IL3RA: variants seen among roughly 807,000 people sequenced by gnomAD.
IL3RA encodes the protein interleukin 3 receptor subunit alpha, also known as interleukin-3 receptor subunit alpha.
In IL3RA, 73 loss-of-function variants were observed where a neutral mutation model predicts 52.3. The observed-to-expected ratio is 1.40, with a 90% CI of 1.16 to 1.70. The LOEUF (loss-of-function observed/expected upper bound fraction) is 1.70, where lower values mean the gene tolerates loss of function less well. IL3RA is among the 40% of genes most tolerant of loss of function. IL3RA has a pLI of 0.00. For synonymous variants in IL3RA, 260 were observed against 194.0 expected (o/e 1.34, Z -2.83); for missense variants, 664 against 504.4 (o/e 1.32, Z -3.03).
chrX:1,352,729 T>TGGAG (rs2086165416), intron 6 of IL3RA, among the ~76,000 whole-genome samples: 1 of 151,186 alleles, frequency 6.6e-6, no homozygotes, highest in Non-Finnish European at 1.5e-5. Context: ...CTTCACGTGG[T>TGGAG]GTAGAGAGAG....
intron 6 of IL3RA, among the ~76,000 whole-genome samples, chrX:1,354,385 T>G (rs2148998174): frequency 6.6e-6 from 1 of 151,452 alleles, no homozygotes; most frequent in Admixed American, 6.6e-5. Context: ...TGACGTGCCC[T>G]GAACCCAAGG....
chrX:1,359,380 C>T (rs1454570716), intron 8 of IL3RA, among the ~76,000 whole-genome samples: 3 of 152,060 alleles, frequency 2.0e-5, no homozygotes, highest in Admixed American at 6.6e-5. Context: ...AACAGACAGC[C>T]GGACCACAGC....
rs1262626811 is a variant in IL3RA at position 1,356,303 on chromosome X, T to C, written c.699T>C (p.Asn233=). The C allele has an allele frequency of 1.2e-6, 2 of 1,613,254 alleles. No individual in the cohort carries two copies. The highest frequency in any genetic ancestry group is 2.2e-5 in the South Asian group (2 of 91,060). The change falls in exon 7 of 12, where the codon AAT becomes AAC. Residue 233 remains asparagine (N), a synonymous_variant. Coordinates refer to ENST00000331035, the MANE Select transcript of IL3RA (RefSeq NM_002183.4). ...ACTGGAAAATGAGAAGTCATTTCAA[T>C]CGCAAATTTCGCTATGAGCTTCAGA... The part of the protein sequence containing the change: ...FMHWKMRSHF[N]RKFRYELQIQ...
rs775668895 is a variant in IL3RA at position 1,377,561 on chromosome X, G to T, written c.875-1098G>T. Among the ~76,000 whole-genome samples, 7 of 150,162 alleles carry T rather than the reference G, an allele frequency of 4.7e-5. No homozygotes were observed. The East Asian group carries it at 7.7e-4, about 17-fold the overall frequency. Reference sequence around the variant, plus strand: ...CCCGGCCAAATTCCTTTTTTCTGAAGCCACCAAGCTGTGGGACTTTTTTAT... The same window carrying T: ...CCCGGCCAAATTCCTTTTTTCTGAATCCACCAAGCTGTGGGACTTTTTTAT... On this transcript the variant is annotated intron_variant, in intron 9 of 11. Coordinates refer to ENST00000331035, the MANE Select transcript of IL3RA (RefSeq NM_002183.4).
At chrX:1,380,939 C>A in intron 10 of IL3RA, 84 bp from the exon 11 acceptor site, 1 of 1,174,722 alleles carries the variant, frequency 8.5e-7, no homozygotes. Context: ...TGTCCTGGCA[C>A]TGTCTGTCCT....
At chrX:1,346,461 G>A (rs1304673585) in intron 3 of IL3RA, among the ~76,000 whole-genome samples, 1 of 151,202 alleles carries the variant, frequency 6.6e-6, no homozygotes, top group African/African-American at 2.4e-5. Context: ...AGAAAAATTA[G>A]CCGGATGTGG....
At position 1,382,575 on chromosome X, in the gene IL3RA, T is replaced by G; in HGVS notation, c.*110T>G. The G allele has an allele frequency of 1.0e-6, 1 of 991,690 alleles. No homozygotes were observed. Among genetic ancestry groups the G allele is most frequent in the Non-Finnish European group, 1.6e-6 (1 of 618,096 alleles). The allele number at this position is 991,690 out of a possible 1,614,324, so 61.4% of individuals were successfully genotyped here. A position where few individuals can be genotyped will look rare whatever the true frequency, so the allele number is the denominator to read the frequency against. ...CACGCAGCCCAGGAATGGACATTCC[T>G]AACGGGTGGTGGGCATGGGAGATGC... On this transcript the variant is annotated 3_prime_UTR_variant, in exon 12 of 12. Coordinates refer to ENST00000331035, the MANE Select transcript of IL3RA (RefSeq NM_002183.4).
At chrX:1,344,665 C>T (rs1294334421) in intron 2 of IL3RA, among the ~76,000 whole-genome samples, 5 of 150,698 alleles carry the variant, frequency 3.3e-5, no homozygotes, top group African/African-American at 7.3e-5. Flanking sequence ...CCTAGCTACT[C>T]GGGAGGCTGA....
In IL3RA at chrX:1,358,862, G is replaced by A; in HGVS notation, c.734G>A (p.Arg245Lys). ...AGTTTGCTTGCTTTTGTGTTGCAGA[G>A]AATGCAGCCTGTAATCACAGAACAG... ...KFRYELQIQK[R>K]MQPVITEQVR... Residue 245 changes from arginine to lysine, a missense_variant and splice_region_variant, in exon 8 of 12, where the codon AGA becomes AAA. Coordinates refer to ENST00000331035, the MANE Select transcript of IL3RA (RefSeq NM_002183.4). 1 of 1,613,350 alleles carries A rather than the reference G, an allele frequency of 6.2e-7. No homozygotes were observed. The highest frequency in any genetic ancestry group is 8.5e-7 in the Non-Finnish European group (1 of 1,179,658).
At chrX:1,350,513 CGG>C (rs2086035263) in intron 4 of IL3RA, among the ~76,000 whole-genome samples, 1 of 127,874 alleles carries the variant, frequency 7.8e-6, no homozygotes, top group African/African-American at 2.9e-5. Context: ...CACTTGAACC[CGG>C]GAGGCGGAGA....
At position 1,356,265 on chromosome X, in the gene IL3RA, C is replaced by T. The variant is rs748267905; in HGVS notation, c.661C>T (p.His221Tyr). The change falls in exon 7 of 12, where the codon CAT (histidine) becomes TAT (tyrosine). Residue 221 changes from histidine to tyrosine, a missense_variant. Coordinates refer to ENST00000331035, the MANE Select transcript of IL3RA (RefSeq NM_002183.4). Reference sequence around the variant, plus strand: ...CATGACTGCAAAGTGTAATAAGACACATTCCTTTATGCACTGGAAAATGAG... The same window carrying T: ...CATGACTGCAAAGTGTAATAAGACATATTCCTTTATGCACTGGAAAATGAG... ...PNMTAKCNKT[H>Y]SFMHWKMRSH... 6.2e-7 allele frequency: 1 copy of T among 1,613,570 alleles called. No individual in the cohort carries two copies. Among genetic ancestry groups the T allele is most frequent in the Non-Finnish European group, 8.5e-7 (1 of 1,179,646 alleles).
At chrX:1,364,569 C>T (rs1263612187) in intron 8 of IL3RA, among the ~76,000 whole-genome samples, 1 of 151,440 alleles carries the variant, frequency 6.6e-6, no homozygotes, top group Non-Finnish European at 1.5e-5. Flanking sequence ...CTCCTAAGCT[C>T]GAGGTATCCC....
intron 4 of IL3RA, among the ~76,000 whole-genome samples, chrX:1,349,157 A>G (rs1302036087): frequency 1.4e-5 from 2 of 147,330 alleles, no homozygotes; most frequent in South Asian, 2.1e-4. Context: ...ACACCCATGT[A>G]CCACCATGCC....
Position 1,347,402 on chromosome X carries a change from G to A in IL3RA, c.184-1029G>A, listed in dbSNP as rs764241052. Among the ~76,000 whole-genome samples, 132 of 151,368 alleles carry A rather than the reference G, an allele frequency of 8.7e-4. 3 individuals are homozygous for A. The highest frequency in any genetic ancestry group is 2.7e-3 in the African/African-American group (112 of 40,870). ...GAAGCTTGCAGTGAGCCGAGATCGCGCCACTGCACTCCAGCCTGGGCGACA... is the reference window on the plus strand; with the variant it reads ...GAAGCTTGCAGTGAGCCGAGATCGCACCACTGCACTCCAGCCTGGGCGACA... On this transcript the variant is annotated intron_variant, in intron 3 of 11. Coordinates refer to ENST00000331035, the MANE Select transcript of IL3RA (RefSeq NM_002183.4).
intron 6 of IL3RA, among the ~76,000 whole-genome samples, chrX:1,353,463 T>C (rs1391340280): frequency 7.9e-6 from 1 of 125,904 alleles, no homozygotes; most frequent in African/African-American, 3.2e-5. Flanking sequence ...GGTCATAGAA[T>C]TCCCCATCAT....
At chrX:1,343,348 G>A (rs1375119762) in intron 2 of IL3RA, among the ~76,000 whole-genome samples, 2 of 152,054 alleles carry the variant, frequency 1.3e-5, no homozygotes, top group East Asian at 3.9e-4. Flanking sequence ...AGCTTTGGGT[G>A]ACCAGCAAAA....
intron 8 of IL3RA, among the ~76,000 whole-genome samples, chrX:1,362,136 CTGTT>C (rs1320356029): frequency 3.7e-5 from 5 of 135,878 alleles, no homozygotes; most frequent in Non-Finnish European, 7.9e-5. Flanking sequence ...CTATGTCTCT[CTGTT>C]TCTGTTTTTC....
chrX:1,368,547 C>G (rs1479990070), intron 9 of IL3RA, among the ~76,000 whole-genome samples: 9 of 152,122 alleles, frequency 5.9e-5, no homozygotes, highest in African/African-American at 1.4e-4. Context: ...GCTTTGATCC[C>G]CCAGGACCTC....
Position 1,341,722 on chromosome X carries a change from C to T in IL3RA, c.-38-6C>T, listed in dbSNP as rs770527516. The T allele has an allele frequency of 2.5e-6, 4 of 1,611,734 alleles. No individual in the cohort carries two copies. The highest frequency in any genetic ancestry group is 3.4e-6 in the Non-Finnish European group (4 of 1,178,544). ...CCCCGCTGCCTGACTCTCGTTTCTC[C>T]TGCAGCAGGCACCTCTGTCCTGCGT... On this transcript the variant is annotated splice_region_variant and splice_polypyrimidine_tract_variant and intron_variant, in intron 1 of 11. Transcript: ENST00000331035.
Sources: allele counts gnomAD v4.1 joint callset (sites outside exome capture counted in the v4.1 genomes callset), GRCh38; gene constraint gnomAD v4.1.1; transcripts MANE v1.5; gene names NCBI Gene and HGNC (gene_info 2026-07-23, HGNC 2026-07-21).